Variants in SGCZ observed in about 807,000 individuals in gnomAD.
The protein encoded by SGCZ is zeta-sarcoglycan.
SGCZ carries 40 observed loss-of-function variants against 41.3 expected under a neutral mutation model. That is an observed-to-expected ratio of 0.97 (90% confidence interval 0.75 to 1.26). The LOEUF (loss-of-function observed/expected upper bound fraction) is 1.26, where lower values mean the gene tolerates loss of function less well. Ranked by LOEUF, SGCZ falls within the 50% of genes most tolerant of loss-of-function variation. The pLI, the probability that SGCZ is intolerant of heterozygous loss-of-function variation, is 0.00. For synonymous variants in SGCZ, 206 were observed against 137.5 expected (o/e 1.50, Z -3.49); for missense variants, 552 against 369.8 (o/e 1.49, Z -4.04).
chr8:14,328,726 G>A (rs991571220), intron 2 of SGCZ, among the ~76,000 whole-genome samples: 3 of 152,130 alleles, frequency 2.0e-5, no homozygotes, highest in Non-Finnish European at 4.4e-5. Flanking sequence ...TGGTTCAAAT[G>A]TGTCCCCTCT....
chr8:14,937,233 A>G (rs1345076720), intron 1 of SGCZ, among the ~76,000 whole-genome samples: 1 of 151,406 alleles, frequency 6.6e-6, no homozygotes, highest in Non-Finnish European at 1.5e-5. Flanking sequence ...TAGGAATTAA[A>G]GAGATAGTTA....
chr8:14,539,248 C>G (rs1421159573), intron 2 of SGCZ, among the ~76,000 whole-genome samples: 2 of 151,970 alleles, frequency 1.3e-5, no homozygotes, highest in Non-Finnish European at 2.9e-5. Context: ...ACTTTTCAGC[C>G]TCTAATACAA....
intron 1 of SGCZ, among the ~76,000 whole-genome samples, chr8:14,571,616 AT>A (rs2117232375): frequency 6.6e-6 from 1 of 152,218 alleles, no homozygotes; most frequent in East Asian, 1.9e-4. Flanking sequence ...GTAAAAATGC[AT>A]TTTCTCCAGA....
intron 4 of SGCZ, among the ~76,000 whole-genome samples, chr8:14,203,190 A>C (rs924121018): frequency 6.6e-6 from 1 of 152,200 alleles, no homozygotes; most frequent in African/African-American, 2.4e-5. Flanking sequence ...AGCAGTGCGA[A>C]AGCAGACTAA....
At chr8:14,978,255 G>T (rs1370715185) in intron 1 of SGCZ, among the ~76,000 whole-genome samples, 1 of 151,632 alleles carries the variant, frequency 6.6e-6, no homozygotes, top group Middle Eastern at 3.2e-3. Context: ...ATCACCTGAG[G>T]TCAGGAGTTC....
chr8:14,109,059 G>A (rs1428000727), intron 5 of SGCZ, among the ~76,000 whole-genome samples: 1 of 152,110 alleles, frequency 6.6e-6, no homozygotes, highest in African/African-American at 2.4e-5. Flanking sequence ...CTCACACATA[G>A]AGCTCCCACC....
intron 1 of SGCZ, among the ~76,000 whole-genome samples, chr8:15,105,962 C>T (rs1806810081): frequency 6.6e-6 from 1 of 152,130 alleles, no homozygotes; most frequent in African/African-American, 2.4e-5. Context: ...ACTAATTAAC[C>T]TGTGAAATCT....
chr8:14,986,697 G>A (rs1443214310), intron 1 of SGCZ, among the ~76,000 whole-genome samples: 3 of 151,930 alleles, frequency 2.0e-5, no homozygotes, highest in Non-Finnish European at 4.4e-5. Context: ...GACCTAATTG[G>A]AGAAAATGTT....
At chr8:14,544,115 G>T (rs1488798339) in intron 2 of SGCZ, among the ~76,000 whole-genome samples, 2 of 152,126 alleles carry the variant, frequency 1.3e-5, no homozygotes, top group African/African-American at 2.4e-5. Context: ...CCCAAACGGA[G>T]GGACTGGCTA....
rs1802092618 is a variant in SGCZ at position 15,235,533 on chromosome 8, C to G, written c.39+2052G>C. 2.0e-5 allele frequency among the ~76,000 whole-genome samples: 3 copies of G among 152,306 alleles called. No homozygotes were observed. In the South Asian group the frequency reaches 6.2e-4, roughly 32 times the overall value. The stretch of plus-strand genomic sequence containing the variant: ...CTTTCCAGTTCCCTACCCTCTGCTG[C>G]CAGAGCACTAAGTCCAGTACACTCT... On this transcript the variant is annotated intron_variant, in intron 1 of 7. Transcript: ENST00000382080.
intron 1 of SGCZ, among the ~76,000 whole-genome samples, chr8:15,186,956 T>C (rs2117100990): frequency 6.6e-6 from 1 of 152,306 alleles, no homozygotes; most frequent in East Asian, 1.9e-4. Flanking sequence ...TTTTTCATGA[T>C]ATAATGTCAG....
At chr8:14,706,852 T>G (rs1318046843) in intron 1 of SGCZ, among the ~76,000 whole-genome samples, 1 of 152,050 alleles carries the variant, frequency 6.6e-6, no homozygotes, top group Non-Finnish European at 1.5e-5. Context: ...GACGGTTAGT[T>G]TGATTCAAAT....
At chr8:14,886,034 T>TAA (rs1447011952) in intron 1 of SGCZ, among the ~76,000 whole-genome samples, 1 of 112,404 alleles carries the variant, frequency 8.9e-6, no homozygotes, top group Non-Finnish European at 1.9e-5. Context: ...TATATATATA[T>TAA]AAAATTGTAT....
chr8:14,596,645 A>T (rs963938347), intron 1 of SGCZ, among the ~76,000 whole-genome samples: 4 of 152,106 alleles, frequency 2.6e-5, no homozygotes, highest in Non-Finnish European at 5.9e-5. Flanking sequence ...AATATCGTCC[A>T]TGTGGGAGAC....
chr8:14,408,976 T>C (rs1291646454), intron 2 of SGCZ, among the ~76,000 whole-genome samples: 1 of 116,732 alleles, frequency 8.6e-6, no homozygotes, highest in East Asian at 2.1e-4. Context: ...TGTGTGCATG[T>C]GTGCGTGTGT....
At chr8:14,274,633 G>C (rs533031133) in intron 3 of SGCZ, among the ~76,000 whole-genome samples, 8 of 152,012 alleles carry the variant, frequency 5.3e-5, no homozygotes, top group Non-Finnish European at 1.2e-4. Flanking sequence ...ACGAGCTTAT[G>C]GTAAGTGACG....
intron 1 of SGCZ, among the ~76,000 whole-genome samples, chr8:15,206,922 A>C (rs571647047): frequency 6.6e-6 from 1 of 152,320 alleles, no homozygotes; most frequent in African/African-American, 2.4e-5. Context: ...ATGAATTAAA[A>C]ATTTGCTGTA....
chr8:14,247,803 A>G, intron 3 of SGCZ, among the ~76,000 whole-genome samples: 1 of 152,190 alleles, frequency 6.6e-6, no homozygotes, highest in Admixed American at 6.5e-5. Flanking sequence ...CTGTCCAGTC[A>G]GTATGTTCAC....
intron 1 of SGCZ, among the ~76,000 whole-genome samples, chr8:14,891,365 C>T (rs1458367807): frequency 3.3e-5 from 5 of 152,090 alleles, no homozygotes; most frequent in Admixed American, 6.6e-5. Flanking sequence ...CAGTCATGGA[C>T]GACTTTGAGA....
Sources: gnomAD v4.1 joint callset for allele counts (sites outside exome capture counted in the v4.1 genomes callset) on GRCh38, gnomAD v4.1.1 for gene constraint, MANE v1.5 for transcripts, NCBI Gene and HGNC (gene_info 2026-07-23, HGNC 2026-07-21) for gene names.